The following CADM2 variants were observed in gnomAD, a reference collection of about 807,000 sequenced individuals.
CADM2 encodes cell adhesion molecule 2, also known as immunoglobulin superfamily member 4D.
CADM2 carries 12 observed loss-of-function variants against 49.8 expected under a neutral mutation model. The observed-to-expected ratio is 0.24, with a 90% CI of 0.15 to 0.39. The LOEUF (loss-of-function observed/expected upper bound fraction) is 0.39. Among genes scored for constraint, CADM2 ranks in the 10% least tolerant of loss-of-function variants. The pLI, the probability that CADM2 is intolerant of heterozygous loss-of-function variation, is 1.00. For missense variants in CADM2, 378 were observed against 492.3 expected, an observed-to-expected ratio of 0.77 and a Z score of 2.20; for synonymous variants, 214 against 175.4, an observed-to-expected ratio of 1.22 and a Z score of -1.74.
intron 5 of CADM2, among the ~76,000 whole-genome samples, chr3:85,907,246 C>T (rs969527697): frequency 6.6e-6 from 1 of 152,124 alleles, no homozygotes; most frequent in African/African-American, 2.4e-5. Context: ...AGACTAAATT[C>T]CTTGATTTCT....
At chr3:85,653,551 A>C (rs576755262) in intron 1 of CADM2, among the ~76,000 whole-genome samples, 1 of 151,980 alleles carries the variant, frequency 6.6e-6, no homozygotes, top group African/African-American at 2.4e-5. Context: ...GGAGAAGCAT[A>C]TTTGTCAGGG....
chr3:85,277,186 A>ATC (rs2043376814), intron 1 of CADM2, among the ~76,000 whole-genome samples: 1 of 151,392 alleles, frequency 6.6e-6, no homozygotes, highest in Non-Finnish European at 1.5e-5. Context: ...GTACTGGAGT[A>ATC]ATCTTTTATC....
intron 1 of CADM2, among the ~76,000 whole-genome samples, chr3:85,056,360 G>C (rs551601759): frequency 1.6e-4 from 25 of 152,126 alleles, no homozygotes; most frequent in African/African-American, 5.1e-4. Flanking sequence ...GAATTTCAGA[G>C]TCTTAGGCTC....
intron 1 of CADM2, among the ~76,000 whole-genome samples, chr3:85,104,540 C>T (rs566983435): frequency 0.071 from 10,759 of 152,106 alleles, 1,264 homozygotes; most frequent in African/African-American, 0.24. Context: ...TTAGGATTGA[C>T]TTGGCGATGC....
intron 3 of CADM2, among the ~76,000 whole-genome samples, chr3:85,866,783 C>T (rs1233325058): frequency 6.6e-6 from 1 of 152,060 alleles, no homozygotes; most frequent in Non-Finnish European, 1.5e-5. Context: ...ACCATGACTG[C>T]CCTACTCTCT....
intron 1 of CADM2, among the ~76,000 whole-genome samples, chr3:85,292,746 A>G (rs530640768): frequency 1.3e-5 from 2 of 152,334 alleles, no homozygotes; most frequent in Admixed American, 6.5e-5. Context: ...ATCAACGAGA[A>G]CAAAGACACA....
At chr3:85,247,604 A>G (rs2042679749) in intron 1 of CADM2, among the ~76,000 whole-genome samples, 1 of 152,208 alleles carries the variant, frequency 6.6e-6, no homozygotes, top group Admixed American at 6.5e-5. Context: ...TTAGGTGAGT[A>G]ATCCTGATTG....
In CADM2 at chr3:85,883,283, C is replaced by T. The variant is rs1459625825; in HGVS notation, c.239-8C>T. On this transcript the variant is annotated splice_polypyrimidine_tract_variant and splice_region_variant and intron_variant, in intron 3 of 9. Coordinates refer to ENST00000383699, the MANE Select transcript of CADM2 (RefSeq NM_001167675.2). The stretch of plus-strand genomic sequence containing the variant: ...CTTATTTACATTTTCAATATTTTCT[C>T]TTTCCAGCTTTAAGGGACAATAGGA... The T allele has an allele frequency of 6.3e-7, 1 of 1,598,392 alleles. No homozygotes were observed.
chr3:85,791,088 T>A (rs146412733), intron 2 of CADM2, among the ~76,000 whole-genome samples: 72 of 152,320 alleles, frequency 4.7e-4, no homozygotes, highest in African/African-American at 1.7e-3. Flanking sequence ...TTTTTAAAAA[T>A]GACTACAGAA....
chr3:86,066,355 A>AAAAAAAAAAAAAAAAAAAAAAAAAAC (rs1739331043), intron 9 of CADM2, among the ~76,000 whole-genome samples: 1 of 150,500 alleles, frequency 6.6e-6, no homozygotes, highest in African/African-American at 2.5e-5. Context: ...AAAAAAAAAA[A>AAAAAAAAAAAAAAAAAAAAAAAAAAC]AAAGATCTTA....
chr3:85,513,624 T>TTGTCA (rs1166518833), intron 1 of CADM2, among the ~76,000 whole-genome samples: 1 of 152,000 alleles, frequency 6.6e-6, no homozygotes, highest in Non-Finnish European at 1.5e-5. Flanking sequence ...TTATTGGCTT[T>TTGTCA]TGTCATTTTC....
intron 2 of CADM2, among the ~76,000 whole-genome samples, chr3:85,787,210 G>A (rs2071043561): frequency 6.6e-6 from 1 of 152,032 alleles, no homozygotes; most frequent in Non-Finnish European, 1.5e-5. Context: ...AAAGAGTGAG[G>A]AGGATGTGAG....
intron 1 of CADM2, among the ~76,000 whole-genome samples, chr3:85,116,583 C>A (rs1269443069): frequency 6.6e-6 from 1 of 151,772 alleles, no homozygotes; most frequent in Non-Finnish European, 1.5e-5. Flanking sequence ...AGAAAATAAT[C>A]ATCATATTTA....
chr3:85,767,291 C>T (rs1423476683), intron 2 of CADM2, among the ~76,000 whole-genome samples: 1 of 152,122 alleles, frequency 6.6e-6, no homozygotes, highest in African/African-American at 2.4e-5. Context: ...AAGGATACTG[C>T]TCCCAATGTA....
intron 1 of CADM2, among the ~76,000 whole-genome samples, chr3:84,994,030 GATTCCAGAAA>G (rs2033041214): frequency 6.6e-6 from 1 of 152,128 alleles, no homozygotes; most frequent in Non-Finnish European, 1.5e-5. Context: ...AGCATTATGA[GATTCCAGAAA>G]ATGTGAATAG....
chr3:85,489,181 A>G (rs1050189831), intron 1 of CADM2, among the ~76,000 whole-genome samples: 3 of 152,130 alleles, frequency 2.0e-5, no homozygotes, highest in Non-Finnish European at 4.4e-5. Flanking sequence ...ATCCTACATC[A>G]TTTTTATAAG....
intron 1 of CADM2, among the ~76,000 whole-genome samples, chr3:85,360,263 A>T (rs912139829): frequency 1.3e-5 from 2 of 152,180 alleles, no homozygotes; most frequent in African/African-American, 4.8e-5. Flanking sequence ...TTATAATACC[A>T]GTGAAACATC....
chr3:85,569,722 A>AG (rs2062424259), intron 1 of CADM2, among the ~76,000 whole-genome samples: 1 of 151,832 alleles, frequency 6.6e-6, no homozygotes, highest in Non-Finnish European at 1.5e-5. Context: ...AAAGAAAAAA[A>AG]AAAGAAAATA....
At chr3:85,314,763 G>C (rs1313399375) in intron 1 of CADM2, among the ~76,000 whole-genome samples, 1 of 152,128 alleles carries the variant, frequency 6.6e-6, no homozygotes, top group Non-Finnish European at 1.5e-5. Flanking sequence ...AAGCACATTG[G>C]AATTAAGGAG....
Sources: gnomAD v4.1 joint callset for allele counts (sites outside exome capture counted in the v4.1 genomes callset) on GRCh38, gnomAD v4.1.1 for gene constraint, MANE v1.5 for transcripts, NCBI Gene and HGNC (gene_info 2026-07-23, HGNC 2026-07-21) for gene names.